SLC39A12: variants seen among roughly 807,000 people sequenced by gnomAD.
SLC39A12 encodes the protein zinc transporter ZIP12.
SLC39A12 carries 63 observed loss-of-function variants against 71.1 expected under a neutral mutation model. The observed-to-expected ratio is 0.89, with a 90% confidence interval of 0.72 to 1.09. SLC39A12 has a LOEUF of 1.09. Ranked by LOEUF, SLC39A12 falls within the 50% of genes least tolerant of loss-of-function variation. The pLI, the probability that SLC39A12 is intolerant of heterozygous loss-of-function variation, is 0.00. For missense variants in SLC39A12, 892 were observed against 812.6 expected, an observed-to-expected ratio of 1.10 and a Z score of -1.19; for synonymous variants, 351 against 301.3, an observed-to-expected ratio of 1.16 and a Z score of -1.71.
At chr10:17,983,859 A>G (rs1835335657) in intron 6 of SLC39A12, among the ~76,000 whole-genome samples, 1 of 152,170 alleles carries the variant, frequency 6.6e-6, no homozygotes, top group Non-Finnish European at 1.5e-5. Context: ...AATAGGGAAA[A>G]GCTTTAATTT....
chr10:17,967,773 G>C (rs1030905974), intron 4 of SLC39A12, among the ~76,000 whole-genome samples: 5 of 151,316 alleles, frequency 3.3e-5, no homozygotes, highest in Admixed American at 1.3e-4. Flanking sequence ...TGTAGTCCCA[G>C]CTACTCGGGA....
chr10:18,014,945 A>G (rs1211540836), intron 12 of SLC39A12, among the ~76,000 whole-genome samples: 1 of 152,194 alleles, frequency 6.6e-6, no homozygotes, highest in Non-Finnish European at 1.5e-5. Context: ...GTAAAAAAGT[A>G]GTGTGATTGA....
intron 12 of SLC39A12, among the ~76,000 whole-genome samples, chr10:18,033,654 G>A (rs967508373): frequency 2.7e-5 from 4 of 145,648 alleles, no homozygotes; most frequent in African/African-American, 7.7e-5. Flanking sequence ...ATTTCCTTCA[G>A]TTCTGCTCTG....
At chr10:18,025,410 T>A (rs28656226) in intron 12 of SLC39A12, among the ~76,000 whole-genome samples, 6,973 of 148,736 alleles carry the variant, frequency 0.047, 563 homozygotes, top group African/African-American at 0.16. Flanking sequence ...CAGGCCCCGG[T>A]GTGTGATGTT....
At chr10:17,985,941 A>G (rs1308920734) in intron 6 of SLC39A12, among the ~76,000 whole-genome samples, 2 of 152,220 alleles carry the variant, frequency 1.3e-5, no homozygotes, top group Non-Finnish European at 2.9e-5. Flanking sequence ...ATCGACTGTT[A>G]CACATTCATT....
chr10:18,031,189 T>C (rs893081698), intron 12 of SLC39A12, among the ~76,000 whole-genome samples: 2 of 146,564 alleles, frequency 1.4e-5, no homozygotes, highest in African/African-American at 5.0e-5. Context: ...GGTCAAATGG[T>C]ATTTCTAGTT....
At chr10:18,041,823 GTATGTACATACATATGTATACGTATATA>G (rs1277748459) in intron 12 of SLC39A12, among the ~76,000 whole-genome samples, 1 of 133,662 alleles carries the variant, frequency 7.5e-6, no homozygotes, top group Non-Finnish European at 1.6e-5. Flanking sequence ...ATACGTATAT[GTATGTACATACATATGTATACGTATATA>G]TATGTACATA....
At chr10:17,973,348 A>G (rs1835023440) in intron 4 of SLC39A12, among the ~76,000 whole-genome samples, 1 of 152,008 alleles carries the variant, frequency 6.6e-6, no homozygotes, top group Non-Finnish European at 1.5e-5. Flanking sequence ...CCTTCAGGTG[A>G]TTATTATTAT....
intron 4 of SLC39A12, among the ~76,000 whole-genome samples, chr10:17,974,776 G>A (rs1220364404): frequency 6.6e-6 from 1 of 152,138 alleles, no homozygotes; most frequent in Non-Finnish European, 1.5e-5. Context: ...CCCCGGCTAT[G>A]TTTGCTCAAG....
In SLC39A12 at chr10:17,961,583, C is replaced by G. The variant is rs1232470946; in HGVS notation, c.264C>G (p.Cys88Trp). The G allele has an allele frequency of 1.9e-6, 3 of 1,608,382 alleles. No individual in the cohort carries two copies. Among genetic ancestry groups the G allele is most frequent in the Non-Finnish European group, 2.5e-6 (3 of 1,178,492 alleles). ...GTTGTTATTGTTTTCTTCCACAGTG[C>G]TTTGAACCAGATGCACTATTACTAA... Reference protein sequence around the residue: ...RNGMQGDCNLCFEPDALLLIA... With the variant: ...RNGMQGDCNLWFEPDALLLIA... The change falls in exon 3 of 13, where the codon TGC becomes TGG. Residue 88 changes from cysteine (C) to tryptophan (W), a missense_variant and splice_region_variant. By Grantham distance (215) the Cys-to-Trp change is radical (BLOSUM62 -2). Transcript: ENST00000377369.
intron 12 of SLC39A12, among the ~76,000 whole-genome samples, chr10:18,029,179 T>A (rs1836767184): frequency 6.6e-6 from 1 of 152,174 alleles, no homozygotes; most frequent in South Asian, 2.1e-4. Context: ...CCCAAAACAT[T>A]TTCTTAATGT....
Position 17,993,234 on chromosome 10 carries a change from C to T in SLC39A12, c.1476C>T (p.Leu492=). The change falls in exon 9 of 13, where the codon CTC becomes CTT. Residue 492 remains leucine (L), a synonymous_variant. Coordinates refer to ENST00000377369, the MANE Select transcript of SLC39A12 (RefSeq NM_001145195.2). ...GHVGHSHHLA[L]NSELSDQAGR... is the part of the protein sequence containing the mutation. Reference sequence around the variant, plus strand: ...TGGGTCATTCCCACCATCTTGCACTCAACTCTGAATTAAGTGACCAGGCAG... The same window carrying T: ...TGGGTCATTCCCACCATCTTGCACTTAACTCTGAATTAAGTGACCAGGCAG... The T allele has an allele frequency of 1.9e-6, 3 of 1,551,922 alleles. No individual in the cohort carries two copies. The highest frequency in any genetic ancestry group is 1.7e-6 in the Non-Finnish European group (2 of 1,147,006).
At chr10:17,973,336 T>A (rs1266799201) in intron 4 of SLC39A12, among the ~76,000 whole-genome samples, 1 of 152,152 alleles carries the variant, frequency 6.6e-6, no homozygotes, top group African/African-American at 2.4e-5. Context: ...GTGAGTTTTT[T>A]ACCTTCAGGT....
intron 12 of SLC39A12, among the ~76,000 whole-genome samples, chr10:18,030,798 TC>T (rs983015655): frequency 1.2e-4 from 6 of 50,744 alleles, no homozygotes; most frequent in African/African-American, 1.6e-4. Context: ...CCCTCCCCCC[TC>T]CCCCCACCCC....
rs139865721 is a variant in SLC39A12, at chr10:17,961,651, T to G, written c.332T>G (p.Val111Gly). The stretch of plus-strand genomic sequence containing the variant: ...GAAGATCAGCTTAGAGAAGAAGTGG[T>G]CCAGAGAGTTTCTCTTCTCCTTCTC... ...NFEDQLREEV[V>G]QRVSLLLLYY... Residue 111 changes from valine (V) to glycine (G), a missense_variant, in exon 3 of 13, where the codon GTC (valine) becomes GGC (glycine). By Grantham distance (109) the Val-to-Gly change is moderately radical (BLOSUM62 -3). Transcript: ENST00000377369. The G allele has an allele frequency of 3.0e-4, 478 of 1,613,872 alleles. No individual in the cohort carries two copies. The highest frequency in any genetic ancestry group is 3.9e-4 in the Non-Finnish European group (464 of 1,179,878).
chr10:17,964,098 C>T (rs1205258088), intron 3 of SLC39A12, among the ~76,000 whole-genome samples: 1 of 152,052 alleles, frequency 6.6e-6, no homozygotes, highest in Non-Finnish European at 1.5e-5. Context: ...CGTTCCTGAC[C>T]CCACGCAAAG....
chr10:17,982,826 G>C (rs1333778858), intron 6 of SLC39A12, among the ~76,000 whole-genome samples: 3 of 152,032 alleles, frequency 2.0e-5, no homozygotes, highest in Non-Finnish European at 4.4e-5. Flanking sequence ...GTCTCCTCTC[G>C]AATGAACTTC....
chr10:18,012,208 T>A (rs114669679), intron 12 of SLC39A12, among the ~76,000 whole-genome samples: 29 of 152,136 alleles, frequency 1.9e-4, no homozygotes, highest in African/African-American at 6.7e-4. Context: ...TTTTGATTGA[T>A]GTCAAAAAGG....
chr10:17,981,366 C>A lies in SLC39A12; in HGVS notation c.979C>A (p.Leu327Ile). The change falls in exon 6 of 13, where the codon CTC becomes ATC. Residue 327 changes from leucine (L) to isoleucine (I), a missense_variant. Physicochemically the swap from Leu to Ile is conservative, Grantham distance 5. Transcript: ENST00000377369. ...VEIFLQKGLS[L>I]ISKEDFKQMS... Reference sequence around the variant, plus strand: ...GATATTTCTACAGAAGGGCCTCTCACTCATTTCTAAGGAGGACTTTAAGCA... The same window carrying A: ...GATATTTCTACAGAAGGGCCTCTCAATCATTTCTAAGGAGGACTTTAAGCA... 6.2e-7 allele frequency: 1 copy of A among 1,613,602 alleles called. No homozygotes were observed. The highest frequency in any genetic ancestry group is 8.5e-7 in the Non-Finnish European group (1 of 1,179,708).
Sources: allele counts gnomAD v4.1 joint callset (sites outside exome capture counted in the v4.1 genomes callset), GRCh38; gene constraint gnomAD v4.1.1; transcripts MANE v1.5; gene names NCBI Gene and HGNC (gene_info 2026-07-23, HGNC 2026-07-21).